The following LRRC4C variants were observed in gnomAD, a reference collection of about 807,000 sequenced individuals.
The protein encoded by LRRC4C is leucine rich repeat containing 4C, also known as leucine-rich repeat-containing protein 4C.
Under a neutral mutation model 33.6 loss-of-function variants are expected in LRRC4C, and 5 were observed. The observed-to-expected ratio is 0.15, with a 90% CI of 0.08 to 0.31. The LOEUF is 0.31. Ranked by LOEUF, LRRC4C falls within the 10% of genes least tolerant of loss-of-function variation. LRRC4C has a pLI of 1.00. For synonymous variants in LRRC4C, 329 were observed against 302.0 expected, an observed-to-expected ratio of 1.09 and a Z score of -0.93; for missense variants, 560 against 796.7, an observed-to-expected ratio of 0.70 and a Z score of 3.58.
At chr11:40,304,195 G>C (rs1265869175) in intron 4 of LRRC4C, among the ~76,000 whole-genome samples, 1 of 152,148 alleles carries the variant, frequency 6.6e-6, no homozygotes, top group Non-Finnish European at 1.5e-5. Context: ...TGAGGGGCCT[G>C]GAAGACCTAG....
chr11:40,565,037 A>G (rs1317967715), intron 3 of LRRC4C, among the ~76,000 whole-genome samples: 2 of 152,188 alleles, frequency 1.3e-5, no homozygotes, highest in Non-Finnish European at 2.9e-5. Flanking sequence ...CCAACCAACC[A>G]AGACCTGCAG....
chr11:40,321,803 C>T (rs1945860989), intron 3 of LRRC4C, among the ~76,000 whole-genome samples: 1 of 152,146 alleles, frequency 6.6e-6, no homozygotes, highest in Non-Finnish European at 1.5e-5. Context: ...TTTTTGCATT[C>T]CATTTCAATT....
At chr11:40,200,574 C>T (rs12418247) in intron 5 of LRRC4C, among the ~76,000 whole-genome samples, 1,851 of 151,608 alleles carry the variant, frequency 0.012, 38 homozygotes, top group South Asian at 0.081. Flanking sequence ...GGTGTCCTGC[C>T]GCATACCTGA....
At chr11:40,444,017 T>G (rs1951513038) in intron 3 of LRRC4C, among the ~76,000 whole-genome samples, 1 of 152,228 alleles carries the variant, frequency 6.6e-6, no homozygotes, top group South Asian at 2.1e-4. Flanking sequence ...CAAATTCTGT[T>G]GAAAGCTTTA....
chr11:40,980,263 G>T (rs1852422309), intron 1 of LRRC4C, among the ~76,000 whole-genome samples: 1 of 152,176 alleles, frequency 6.6e-6, no homozygotes, highest in Non-Finnish European at 1.5e-5. Context: ...CATAGGAAAT[G>T]CCATGACTTG....
chr11:40,959,421 C>CA lies in LRRC4C; in HGVS notation c.-495-25699dup, dbSNP rs142624031. ...AAACCAAGACACTTGGCCAACCTAA[C>CA]AAAAAAAAATCCATTTTTATTATAA... On this transcript the variant is annotated intron_variant, in intron 1 of 6. Transcript: ENST00000528697. Among the ~76,000 whole-genome samples the CA allele has an allele frequency of 2.3e-3, 346 of 149,880 alleles. 1 individual carries two copies. Among genetic ancestry groups the CA allele is most frequent in the Admixed American group, 3.2e-3 (48 of 15,040 alleles).
intron 2 of LRRC4C, among the ~76,000 whole-genome samples, chr11:40,825,950 GC>G (rs5791403): frequency 0.84 from 111,061 of 132,860 alleles, 46,125 homozygotes; most frequent in East Asian, 0.91. Flanking sequence ...TGGGGGGGGG[GC>G]GTCTCACATA....
chr11:41,148,631 G>A (rs1296027231), intron 1 of LRRC4C, among the ~76,000 whole-genome samples: 1 of 151,880 alleles, frequency 6.6e-6, no homozygotes, highest in Non-Finnish European at 1.5e-5. Flanking sequence ...TAAACTACCC[G>A]GGAAACAACT....
chr11:41,134,294 G>C (rs1185506586), intron 1 of LRRC4C, among the ~76,000 whole-genome samples: 1 of 152,028 alleles, frequency 6.6e-6, no homozygotes, highest in Non-Finnish European at 1.5e-5. Flanking sequence ...TGTAGAGACA[G>C]ACTCTCTCTG....
At chr11:40,778,841 T>C (rs1309787316) in intron 2 of LRRC4C, among the ~76,000 whole-genome samples, 4 of 151,406 alleles carry the variant, frequency 2.6e-5, no homozygotes, top group Non-Finnish European at 5.9e-5. Context: ...CAATGGTACC[T>C]AGAATTTGTT....
At chr11:40,808,878 T>A (rs575680389) in intron 2 of LRRC4C, among the ~76,000 whole-genome samples, 1 of 152,298 alleles carries the variant, frequency 6.6e-6, no homozygotes, top group South Asian at 2.1e-4. Context: ...AGCCCTATTC[T>A]ACCTTTCTTC....
At chr11:40,948,715 G>A (rs1958543972) in intron 1 of LRRC4C, among the ~76,000 whole-genome samples, 2 of 143,722 alleles carry the variant, frequency 1.4e-5, no homozygotes, top group African/African-American at 2.6e-5. Context: ...TTTTATGGCT[G>A]CATAGTATTC....
At chr11:41,165,830 G>A (rs1005741829) in intron 1 of LRRC4C, among the ~76,000 whole-genome samples, 2 of 152,024 alleles carry the variant, frequency 1.3e-5, no homozygotes, top group Non-Finnish European at 2.9e-5. Flanking sequence ...AGGAGTTCGA[G>A]ACCAGAATGG....
intron 1 of LRRC4C, among the ~76,000 whole-genome samples, chr11:41,179,599 G>A (rs948015309): frequency 6.6e-6 from 1 of 152,140 alleles, no homozygotes; most frequent in Non-Finnish European, 1.5e-5. Flanking sequence ...AAATCTGACA[G>A]ACTTAGTCTT....
intron 2 of LRRC4C, among the ~76,000 whole-genome samples, chr11:40,825,664 C>T (rs531827574): frequency 2.6e-5 from 4 of 151,856 alleles, no homozygotes; most frequent in South Asian, 2.1e-4. Flanking sequence ...TTCATTTTTC[C>T]CACCTTCATT....
intron 1 of LRRC4C, among the ~76,000 whole-genome samples, chr11:41,415,698 A>T (rs1824390627): frequency 6.6e-6 from 1 of 152,150 alleles, no homozygotes; most frequent in Non-Finnish European, 1.5e-5. Context: ...GAGATGTTGT[A>T]AAGAGTTCCA....
intron 2 of LRRC4C, among the ~76,000 whole-genome samples, chr11:40,719,154 C>T (rs956191526): frequency 6.6e-6 from 1 of 152,082 alleles, no homozygotes; most frequent in Non-Finnish European, 1.5e-5. Flanking sequence ...TTCTTGCTGT[C>T]AAAAGATAAA....
At chr11:41,179,185 C>CT (rs556167987) in intron 1 of LRRC4C, among the ~76,000 whole-genome samples, 4,248 of 136,476 alleles carry the variant, frequency 0.031, 63 homozygotes, top group African/African-American at 0.044. Flanking sequence ...CCTCAAGCCT[C>CT]TTTTTTTTTT....
intron 3 of LRRC4C, chr11:40,351,658 C>T (rs1947393718): frequency 6.6e-6 from 1 of 152,006 alleles, no homozygotes; most frequent in South Asian, 2.1e-4. Flanking sequence ...CACTACTAAA[C>T]TTGACTACTC....
Sources: gnomAD v4.1 joint callset for allele counts (sites outside exome capture counted in the v4.1 genomes callset) on GRCh38, gnomAD v4.1.1 for gene constraint, MANE v1.5 for transcripts, NCBI Gene and HGNC (gene_info 2026-07-23, HGNC 2026-07-21) for gene names.